POLN: variants seen among roughly 807,000 people sequenced by gnomAD.
The protein encoded by POLN is DNA polymerase nu, also known as DNA polymerase N.
Under a neutral mutation model 113.5 loss-of-function variants are expected in POLN, and 108 were observed. The observed-to-expected ratio is 0.95, with a 90% CI of 0.81 to 1.12. POLN has a LOEUF of 1.12. Ranked by LOEUF, POLN falls within the 50% of genes most tolerant of loss-of-function variation. The pLI is 0.00. For synonymous variants in POLN, 386 were observed against 391.5 expected, an observed-to-expected ratio of 0.99 and a Z score of 0.17; for missense variants, 1,097 against 1,077.1, an observed-to-expected ratio of 1.02 and a Z score of -0.26.
At chr4:2,231,223 G>C (rs1022952398) in intron 2 of POLN, 5 of 152,254 alleles carry the variant, frequency 3.3e-5, no homozygotes, top group African/African-American at 1.2e-4. Flanking sequence ...TTATTTGACA[G>C]TCAAACATGA....
At chr4:2,148,616 G>A (rs1383382179) in intron 16 of POLN, among the ~76,000 whole-genome samples, 4 of 151,868 alleles carry the variant, frequency 2.6e-5, no homozygotes, top group South Asian at 2.1e-4. Flanking sequence ...GCAGTGAGCC[G>A]AGATTGCACC....
rs139511703 is a variant in POLN at position 2,093,214 on chromosome 4, G to A, written c.2065+2637C>T. The stretch of plus-strand genomic sequence containing the variant: ...GGAGGACAGCTGCCCCACGGCAGGT[G>A]CTCGGCACTCTCATTCTCCATCCCT... On this transcript the variant is annotated intron_variant, in intron 20 of 25. Transcript: ENST00000511885. The surrounding 1 kb of genome is among the most constrained non-coding windows in gnomAD (Gnocchi z 4.1). 8.5e-5 allele frequency among the ~76,000 whole-genome samples: 13 copies of A among 152,344 alleles called. No individual in the cohort carries two copies. Among genetic ancestry groups the A allele is most frequent in the Non-Finnish European group, 1.3e-4 (9 of 68,024 alleles).
chr4:2,229,997 T>C (rs1734524089), intron 2 of POLN: 1 of 152,010 alleles, frequency 6.6e-6, no homozygotes, highest in Non-Finnish European at 1.5e-5. Context: ...GGGGACAGTA[T>C]AAATCAAGCA....
chr4:2,097,783 T>G (rs1718933080), intron 19 of POLN, among the ~76,000 whole-genome samples: 1 of 152,250 alleles, frequency 6.6e-6, no homozygotes, highest in Non-Finnish European at 1.5e-5. Flanking sequence ...AAGCTGGGAT[T>G]ACAAGTGTGA....
Position 2,128,131 on chromosome 4 carries a change from G to A in POLN, c.1964C>T (p.Ser655Phe), listed in dbSNP as rs1209335735. The change falls in exon 19 of 26, where the codon TCT becomes TTT. Residue 655 changes from serine (S) to phenylalanine (F), a missense_variant. By Grantham distance (155) the Ser-to-Phe change is radical. Coordinates refer to ENST00000511885, the MANE Select transcript of POLN (RefSeq NM_181808.4). ...FQESERDDVFSTLTSQWKDVP... is the reference protein window; with the variant it reads ...FQESERDDVFFTLTSQWKDVP... The stretch of plus-strand genomic sequence containing the variant: ...ATCTTACCACTGTGAAGTCAGAGTA[G>A]AAAATACATCATCTCTTTCAGATTC... 6.2e-7 allele frequency: 1 copy of A among 1,602,716 alleles called. No individual in the cohort carries two copies. The highest frequency in any genetic ancestry group is 2.2e-5 in the East Asian group (1 of 44,832).
chr4:2,157,203 T>C (rs1281445144), intron 15 of POLN, among the ~76,000 whole-genome samples: 1 of 152,218 alleles, frequency 6.6e-6, no homozygotes, highest in Admixed American at 6.5e-5. Context: ...TGTCACTTGC[T>C]GTGTGAACTT....
chr4:2,176,117 C>A (rs1167375446), intron 9 of POLN, 149 bp downstream of exon 9: 1 of 687,186 alleles, frequency 1.5e-6, no homozygotes, highest in Non-Finnish European at 2.5e-6. Context: ...TTCTAGACAA[C>A]CCTTTTCTGA....
intron 16 of POLN, among the ~76,000 whole-genome samples, chr4:2,139,129 A>ACAAG: frequency 6.6e-6 from 1 of 152,220 alleles, no homozygotes. Context: ...TGGGAAGGGG[A>ACAAG]CAAGCCGCAG....
intron 5 of POLN, among the ~76,000 whole-genome samples, chr4:2,207,211 G>T (rs896316483): frequency 4.1e-4 from 62 of 152,092 alleles, no homozygotes; most frequent in Non-Finnish European, 7.6e-4. Context: ...GGATGCAAAG[G>T]CATAAGAATG....
intron 13 of POLN, among the ~76,000 whole-genome samples, chr4:2,165,846 T>G (rs1732715930): frequency 6.6e-6 from 1 of 152,156 alleles, no homozygotes; most frequent in Non-Finnish European, 1.5e-5. Flanking sequence ...GTATAATCAC[T>G]GCTCAGTGCA....
intron 16 of POLN, among the ~76,000 whole-genome samples, chr4:2,147,573 C>T (rs1247414746): frequency 6.6e-6 from 1 of 151,128 alleles, no homozygotes; most frequent in Non-Finnish European, 1.5e-5. Flanking sequence ...CTGATCATGA[C>T]CCCAAACCAA....
rs12504068 is a variant in POLN at position 2,115,757 on chromosome 4, G to C, written c.1982+12356C>G. 4.0e-3 allele frequency among the ~76,000 whole-genome samples: 606 copies of C among 152,298 alleles called. 14 individuals are homozygous for C. The highest frequency in any genetic ancestry group is 0.035 in the Admixed American group (540 of 15,284). On this transcript the variant is annotated intron_variant, in intron 19 of 25. Coordinates refer to ENST00000511885, the MANE Select transcript of POLN (RefSeq NM_181808.4). Reference sequence around the variant, plus strand: ...CTAGATTTGGAAGCAAAGTCAATCTGACCCGTAACTGGGCTGGGTCTGGAC... The same window carrying C: ...CTAGATTTGGAAGCAAAGTCAATCTCACCCGTAACTGGGCTGGGTCTGGAC...
rs1413566523 is a variant in POLN, at chr4:2,208,020, A to G, written c.681T>C (p.Tyr227=). The G allele has an allele frequency of 6.2e-7, 1 of 1,613,824 alleles. No individual in the cohort carries two copies. The highest frequency in any genetic ancestry group is 1.7e-5 in the Admixed American group (1 of 59,954). ...QAAALVITVM[Y]TDGSTQLGAD... is the part of the protein sequence containing the mutation. ...CTCCTAGCTGGGTGGAACCATCAGT[A>G]TACATCACAGTTATCACCAGGGCTG... Residue 227 remains tyrosine, a synonymous_variant, in exon 5 of 26, where the codon TAT becomes TAC. Coordinates refer to ENST00000511885, the MANE Select transcript of POLN (RefSeq NM_181808.4).
intron 7 of POLN, among the ~76,000 whole-genome samples, chr4:2,185,972 A>G (rs1052532370): frequency 1.3e-5 from 2 of 152,212 alleles, no homozygotes; most frequent in African/African-American, 4.8e-5. Context: ...TCACAGAAAA[A>G]GCAAAAACCA....
chr4:2,156,567 G>A (rs1455811465), intron 16 of POLN: 6 of 636,876 alleles, frequency 9.4e-6, no homozygotes, highest in Non-Finnish European at 1.7e-5. Context: ...GTTTCTGGGT[G>A]TGAAGCCCCC....
At chr4:2,171,870 T>TA (rs886088222) in intron 11 of POLN, among the ~76,000 whole-genome samples, 1 of 151,856 alleles carries the variant, frequency 6.6e-6, no homozygotes, top group East Asian at 1.9e-4. Flanking sequence ...AAAACAAACT[T>TA]AAAGTAGTAA....
At chr4:2,170,647 TA>T in intron 13 of POLN, 31 bp downstream of exon 13, 1 of 1,580,030 alleles carries the variant, frequency 6.3e-7, no homozygotes, top group Non-Finnish European at 8.7e-7. Context: ...GCTGTCATTC[TA>T]AAAAGAAAAA....
chr4:2,194,592 C>T (rs1733531040), intron 6 of POLN, among the ~76,000 whole-genome samples: 2 of 152,162 alleles, frequency 1.3e-5, no homozygotes, highest in Non-Finnish European at 2.9e-5. Flanking sequence ...GAGATCACTT[C>T]CCTTTACTGC....
chr4:2,126,302 A>G lies in POLN; in HGVS notation c.1982+1811T>C, dbSNP rs1302423572. Among the ~76,000 whole-genome samples the G allele has an allele frequency of 6.6e-6, 1 of 152,214 alleles. No homozygotes were observed. Among genetic ancestry groups the G allele is most frequent in the Admixed American group, 6.5e-5 (1 of 15,290 alleles). On this transcript the variant is annotated intron_variant, in intron 19 of 25. Transcript: ENST00000511885. This position sits in a 1 kb window ranked among gnomAD's most constrained non-coding sequence, Gnocchi z 4.6. ...TCTCAATCCTCTGCTCCCCGTATAT[A>G]AAATATTTCTTCCTGAATTTTGTCA...
Sources: gnomAD v4.1 joint callset for allele counts (sites outside exome capture counted in the v4.1 genomes callset) on GRCh38, gnomAD v4.1.1 for gene constraint, Gnocchi (gnomAD v3.1) non-coding constraint, MANE v1.5 for transcripts, NCBI Gene and HGNC (gene_info 2026-07-23, HGNC 2026-07-21) for gene names.